The following CNTN4 variants were observed in gnomAD, a reference collection of about 807,000 sequenced individuals.
CNTN4 encodes the protein contactin-4.
In CNTN4, 77 loss-of-function variants were observed where a neutral mutation model predicts 122.5. That is an observed-to-expected ratio of 0.63 (90% confidence interval 0.52 to 0.76). The LOEUF is 0.76. Ranked by LOEUF, CNTN4 falls within the 30% of genes least tolerant of loss-of-function variation. The pLI is 0.00. For synonymous variants in CNTN4, 512 were observed against 447.0 expected, an observed-to-expected ratio of 1.15 and a Z score of -1.83; for missense variants, 1,256 against 1,259.1, an observed-to-expected ratio of 1.00 and a Z score of 0.04.
At chr3:2,886,463 AT>A (rs1468996778) in intron 9 of CNTN4, among the ~76,000 whole-genome samples, 1 of 151,830 alleles carries the variant, frequency 6.6e-6, no homozygotes, top group Non-Finnish European at 1.5e-5. Flanking sequence ...TATATAACAT[AT>A]AAAAATCTGT....
At chr3:2,726,831 G>A (rs2088260572) in intron 4 of CNTN4, among the ~76,000 whole-genome samples, 1 of 152,132 alleles carries the variant, frequency 6.6e-6, no homozygotes, top group Non-Finnish European at 1.5e-5. Context: ...GTGGGCTTTA[G>A]TTAATATGCA....
intron 12 of CNTN4, among the ~76,000 whole-genome samples, chr3:2,907,694 G>T (rs2094252955): frequency 6.6e-6 from 1 of 152,102 alleles, no homozygotes. Flanking sequence ...TTTTAATGTT[G>T]GGTGATAGCC....
chr3:2,781,741 T>G (rs1206555090), intron 6 of CNTN4, among the ~76,000 whole-genome samples: 1 of 126,968 alleles, frequency 7.9e-6, no homozygotes, highest in Admixed American at 7.4e-5. Flanking sequence ...TTTTTTTTTT[T>G]TGAGACGGAG....
intron 2 of CNTN4, among the ~76,000 whole-genome samples, chr3:2,329,664 G>T (rs1351082456): frequency 6.6e-6 from 1 of 152,080 alleles, no homozygotes; most frequent in Non-Finnish European, 1.5e-5. Flanking sequence ...ACTGGGGAAA[G>T]TTACTTTGAC....
At chr3:2,313,362 TAAAC>T (rs1479621497) in intron 2 of CNTN4, among the ~76,000 whole-genome samples, 1 of 152,024 alleles carries the variant, frequency 6.6e-6, no homozygotes, top group Non-Finnish European at 1.5e-5. Flanking sequence ...AAAACATTAA[TAAAC>T]AAGATAACCT....
Position 2,582,607 on chromosome 3 carries a change from T to G in CNTN4, c.55+11049T>G, listed in dbSNP as rs150106231. On this transcript the variant is annotated intron_variant, in intron 4 of 24. Transcript: ENST00000418658. ...AGAGAGTGAACTCTCTCATGTTAAT[T>G]CACCTGAGGTGTGATATTGGATTCC... is the stretch of plus-strand genomic sequence containing the variant. Among the ~76,000 whole-genome samples, 418 of 152,254 alleles carry G rather than the reference T, an allele frequency of 2.7e-3. 2 individuals carry two copies. Among genetic ancestry groups the G allele is most frequent in the African/African-American group, 9.7e-3 (401 of 41,546 alleles).
At chr3:2,823,978 G>A (rs1252078785) in intron 7 of CNTN4, among the ~76,000 whole-genome samples, 1 of 152,128 alleles carries the variant, frequency 6.6e-6, no homozygotes, top group Non-Finnish European at 1.5e-5. Flanking sequence ...GTGATCATAT[G>A]CACTTTGAAG....
At chr3:2,991,252 G>T (rs1329355193) in intron 14 of CNTN4, among the ~76,000 whole-genome samples, 2 of 152,158 alleles carry the variant, frequency 1.3e-5, no homozygotes, top group Admixed American at 6.5e-5. Flanking sequence ...GGTAGGAAGA[G>T]CCTGGCCCAG....
chr3:2,717,317 A>T (rs2087556940), intron 4 of CNTN4, among the ~76,000 whole-genome samples: 1 of 152,048 alleles, frequency 6.6e-6, no homozygotes, highest in Non-Finnish European at 1.5e-5. Flanking sequence ...CCTTCTGGGA[A>T]TCTGGAATTT....
At chr3:2,897,957 T>C (rs951754339) in intron 10 of CNTN4, among the ~76,000 whole-genome samples, 3 of 152,214 alleles carry the variant, frequency 2.0e-5, no homozygotes, top group African/African-American at 7.2e-5. Flanking sequence ...GCTAATGATG[T>C]GTCTTATAAT....
Position 2,581,201 on chromosome 3 carries a change from C to G in CNTN4, c.55+9643C>G, listed in dbSNP as rs1306449084. On this transcript the variant is annotated intron_variant, in intron 4 of 24. Transcript: ENST00000418658. ...GCCTCCAAGGGTTGTGTTTCTCAAT[C>G]TTACCAGCCTGGGTTTCTACTCCAA... Among the ~76,000 whole-genome samples the G allele has an allele frequency of 6.6e-5, 10 of 152,118 alleles. No individual in the cohort carries two copies. In the South Asian group the frequency reaches 1.9e-3, roughly 28 times the overall value.
At chr3:2,935,059 T>TCCTCTGGGA (rs199733060) in intron 13 of CNTN4, among the ~76,000 whole-genome samples, 2,997 of 152,276 alleles carry the variant, frequency 0.02, 111 homozygotes, top group African/African-American at 0.066. Context: ...AAAATGTTTG[T>TCCTCTGGGA]CAGAATCCAC....
intron 2 of CNTN4, among the ~76,000 whole-genome samples, chr3:2,164,510 C>T (rs2036111948): frequency 6.6e-6 from 1 of 152,150 alleles, no homozygotes; most frequent in Admixed American, 6.5e-5. Context: ...TTCAAGCCTT[C>T]ACATTGAATG....
At chr3:2,528,345 A>T (rs2077476849) in intron 3 of CNTN4, among the ~76,000 whole-genome samples, 1 of 152,144 alleles carries the variant, frequency 6.6e-6, no homozygotes, top group South Asian at 2.1e-4. Flanking sequence ...ATTATCTCAT[A>T]TGTGGAGAAA....
At chr3:2,694,728 CA>C (rs993757127) in intron 4 of CNTN4, among the ~76,000 whole-genome samples, 4 of 151,570 alleles carry the variant, frequency 2.6e-5, no homozygotes, top group Non-Finnish European at 5.9e-5. Context: ...GACCCTGTCT[CA>C]AAAAAAGAAA....
intron 14 of CNTN4, among the ~76,000 whole-genome samples, chr3:3,004,044 G>A (rs1696349558): frequency 6.6e-6 from 1 of 152,054 alleles, no homozygotes; most frequent in Admixed American, 6.5e-5. Flanking sequence ...ACAGGTGTGA[G>A]CCACCATGCC....
At chr3:2,253,242 G>A (rs1393722813) in intron 2 of CNTN4, among the ~76,000 whole-genome samples, 1 of 152,094 alleles carries the variant, frequency 6.6e-6, no homozygotes, top group Admixed American at 6.6e-5. Flanking sequence ...ATTTTACAAA[G>A]TGTGTTAATG....
chr3:2,145,766 A>G (rs760578248), intron 2 of CNTN4, among the ~76,000 whole-genome samples: 13 of 151,968 alleles, frequency 8.6e-5, no homozygotes, highest in Non-Finnish European at 1.6e-4. Context: ...CTTGCCCAGC[A>G]CTTTACGTAG....
intron 3 of CNTN4, among the ~76,000 whole-genome samples, chr3:2,353,384 G>A (rs9865430): frequency 0.09 from 13,698 of 152,142 alleles, 1,046 homozygotes; most frequent in African/African-American, 0.21. Context: ...CAGGCTGCCC[G>A]ATCCCTGCAG....
Sources: gnomAD v4.1 joint callset for allele counts (sites outside exome capture counted in the v4.1 genomes callset) on GRCh38, gnomAD v4.1.1 for gene constraint, MANE v1.5 for transcripts, NCBI Gene and HGNC (gene_info 2026-07-23, HGNC 2026-07-21) for gene names.